The following TMEM255A variants were observed in gnomAD, a reference collection of about 807,000 sequenced individuals.
The protein encoded by TMEM255A is family with sequence similarity 70, member A.
TMEM255A carries 14 observed loss-of-function variants against 23.5 expected under a neutral mutation model. The observed-to-expected ratio is 0.60, with a 90% confidence interval of 0.39 to 0.93. The LOEUF (loss-of-function observed/expected upper bound fraction) is 0.93, where lower values mean the gene tolerates loss of function less well. Ranked by LOEUF, TMEM255A falls within the 40% of genes least tolerant of loss-of-function variation. TMEM255A has a pLI of 0.00. For missense variants in TMEM255A, 233 were observed against 261.7 expected (o/e 0.89, Z 0.76); for synonymous variants, 104 against 100.3 (o/e 1.04, Z -0.22).
chrX:120,270,779 C>T (rs782150725), intron 7 of TMEM255A, among the ~76,000 whole-genome samples: 1 of 110,630 alleles, frequency 9.0e-6, no homozygotes, highest in Non-Finnish European at 1.9e-5. Context: ...TCTCTGCAAA[C>T]GGCTTTCATC....
chrX:120,286,100 A>C, intron 5 of TMEM255A: 1 of 282,072 alleles, frequency 3.5e-6, no homozygotes. Flanking sequence ...GAACAGTGAG[A>C]GAAATAGTAA....
At position 120,277,176 on chromosome X, in the gene TMEM255A, C is replaced by T. The variant is rs1266356474; in HGVS notation, c.513-129G>A. 4 of 483,752 alleles carry T rather than the reference C, an allele frequency of 8.3e-6. No individual in the cohort carries two copies. The East Asian group carries it at 1.1e-4, about 13-fold the overall frequency. The allele number at this position is 483,752 out of a possible 1,213,427, so 39.9% of individuals were successfully genotyped here. The stretch of plus-strand genomic sequence containing the variant: ...AGACAGGTGGGCAGGTGGGGAGCTA[C>T]AGTAAGAGACATCATAGCCATGTAC... On this transcript the variant is annotated intron_variant, in intron 6 of 8. Coordinates refer to ENST00000371369, the MANE Select transcript of TMEM255A (RefSeq NM_001104544.3).
chrX:120,284,481 G>A (rs782157470), intron 6 of TMEM255A, among the ~76,000 whole-genome samples: 1 of 110,201 alleles, frequency 9.1e-6, no homozygotes, highest in South Asian at 3.9e-4. Flanking sequence ...TGCTCAAAGA[G>A]GCCTTCCCTG....
At chrX:120,295,983 GT>G (rs781985383) in intron 2 of TMEM255A, among the ~76,000 whole-genome samples, 46 of 111,841 alleles carry the variant, frequency 4.1e-4, no homozygotes, top group Non-Finnish European at 7.7e-4. Flanking sequence ...GAATTTCCTT[GT>G]TCCATCTTGT....
At chrX:120,297,739 C>A (rs1396796169) in intron 2 of TMEM255A, among the ~76,000 whole-genome samples, 3 of 110,935 alleles carry the variant, frequency 2.7e-5, no homozygotes, top group Admixed American at 9.6e-5. Flanking sequence ...AGCTTGAGTT[C>A]TTTTAGCCAC....
chrX:120,294,284 A>C (rs1229707899), intron 2 of TMEM255A, among the ~76,000 whole-genome samples: 1 of 108,221 alleles, frequency 9.2e-6, no homozygotes, highest in Non-Finnish European at 1.9e-5. Flanking sequence ...AATACAAAAA[A>C]TTAGCCGGGC....
chrX:120,301,669 G>A (rs2058034503), intron 2 of TMEM255A, among the ~76,000 whole-genome samples: 2 of 107,347 alleles, frequency 1.9e-5, no homozygotes, highest in Admixed American at 2.0e-4. Flanking sequence ...AATTCAGATT[G>A]CCAGGGCCCA....
At chrX:120,290,004 G>C (rs1460152252) in intron 4 of TMEM255A, among the ~76,000 whole-genome samples, 5 of 111,516 alleles carry the variant, frequency 4.5e-5, no homozygotes, top group Non-Finnish European at 9.4e-5. Context: ...ATTAGTGGTT[G>C]CTTGGGTCTG....
chrX:120,289,176 C>T (rs1334687871), intron 4 of TMEM255A, among the ~76,000 whole-genome samples: 1 of 111,882 alleles, frequency 8.9e-6, no homozygotes, highest in African/African-American at 3.3e-5. Flanking sequence ...CCTCCTTCCT[C>T]AAAGCTCTCT....
At chrX:120,287,121 G>T (rs1556021954) in intron 5 of TMEM255A, 33 bp downstream of exon 5, 4 of 1,153,844 alleles carry the variant, frequency 3.5e-6, no homozygotes, top group Non-Finnish European at 4.7e-6. Context: ...ACTTTCCCAG[G>T]AGGTAAAGAC....
intron 2 of TMEM255A, among the ~76,000 whole-genome samples, chrX:120,296,830 ATG>A (rs10549762): frequency 0.083 from 186 of 2,232 alleles, 30 homozygotes; most frequent in African/African-American, 0.098. Context: ...TATAATATAT[ATG>A]ATATATAATA....
At chrX:120,268,439 T>C (rs2057732003) in intron 7 of TMEM255A, 52 bp from the exon 8 acceptor site, 1 of 1,017,131 alleles carries the variant, frequency 9.8e-7, no homozygotes. Flanking sequence ...ACTAGGAGAA[T>C]GGTTAAATAA....
chrX:120,285,874 G>T, intron 5 of TMEM255A: 1 of 1,196,841 alleles, frequency 8.4e-7, no homozygotes, highest in East Asian at 3.0e-5. Context: ...AAACGGAAAA[G>T]AATTTCATTT....
intron 1 of TMEM255A, among the ~76,000 whole-genome samples, chrX:120,305,443 T>C (rs1194994859): frequency 9.9e-6 from 1 of 101,448 alleles, no homozygotes; most frequent in African/African-American, 3.7e-5. Flanking sequence ...AAAAAAAAAA[T>C]AAGCAAATGA....
intron 2 of TMEM255A, among the ~76,000 whole-genome samples, chrX:120,297,192 G>T: frequency 1.6e-5 from 1 of 63,885 alleles, no homozygotes; most frequent in Non-Finnish European, 2.8e-5. Context: ...TATATTCCTG[G>T]CTCTGCTACT....
chrX:120,300,375 T>C (rs2058024926), intron 2 of TMEM255A, among the ~76,000 whole-genome samples: 1 of 110,617 alleles, frequency 9.0e-6, no homozygotes, highest in South Asian at 3.9e-4. Flanking sequence ...TGTTCGGTTT[T>C]TGTTTCTGTT....
At position 120,296,670 on chromosome X, in the gene TMEM255A, ATATAT is replaced by A. The variant is rs1167833316; in HGVS notation, c.202-2624_202-2620del. Among the ~76,000 whole-genome samples the A allele has an allele frequency of 5.1e-4, 33 of 64,444 alleles. 2 individuals carry two copies. In the Admixed American group the frequency reaches 5.5e-3, roughly 11 times the overall value. The allele number at this position is 64,444 out of a possible 115,157, so 56.0% of individuals were successfully genotyped here. ...AATATAATATATATTATAATATAAT[ATATAT>A]TATATTTAATATATATATTAAATAT... On this transcript the variant is annotated intron_variant, in intron 2 of 8. Transcript: ENST00000371369.
chrX:120,264,581 C>T lies in TMEM255A; in HGVS notation c.820-3553G>A, dbSNP rs184619352. ...CAAAACATTATAAGTCTTTTTTCCT[C>T]ATCCTCCTATTAGCCTCAGGGTCAA... On this transcript the variant is annotated intron_variant, in intron 8 of 8. Coordinates refer to ENST00000371369, the MANE Select transcript of TMEM255A (RefSeq NM_001104544.3). 2.2e-4 allele frequency among the ~76,000 whole-genome samples: 25 copies of T among 111,143 alleles called. No homozygotes were observed. The East Asian group carries it at 2.8e-3, about 13-fold the overall frequency.
chrX:120,281,560 C>G (rs1037678838), intron 6 of TMEM255A, among the ~76,000 whole-genome samples: 4 of 112,510 alleles, frequency 3.6e-5, no homozygotes, highest in Non-Finnish European at 7.5e-5. Flanking sequence ...CTTCAATCTC[C>G]CTGGCAAATT....
Sources: gnomAD v4.1 joint callset for allele counts (sites outside exome capture counted in the v4.1 genomes callset) on GRCh38, gnomAD v4.1.1 for gene constraint, MANE v1.5 for transcripts, NCBI Gene and HGNC (gene_info 2026-07-23, HGNC 2026-07-21) for gene names.